Variants in CNTNAP2 observed in about 807,000 individuals in gnomAD.
The protein encoded by CNTNAP2 is contactin associated protein 2, also known as contactin-associated protein-like 2.
Under a neutral mutation model 155.2 loss-of-function variants are expected in CNTNAP2, and 98 were observed. The ratio of observed to expected loss-of-function variants is 0.63; its 90% CI spans 0.54 to 0.75. The LOEUF (loss-of-function observed/expected upper bound fraction) is 0.75. CNTNAP2 is among the 30% of genes least tolerant of loss of function. The pLI is 0.00. For missense variants in CNTNAP2, 1,727 were observed against 1,688.1 expected (o/e 1.02, Z -0.40); for synonymous variants, 651 against 631.2 (o/e 1.03, Z -0.47).
intron 8 of CNTNAP2, among the ~76,000 whole-genome samples, chr7:147,283,167 A>G (rs1435227154): frequency 1.3e-5 from 2 of 151,930 alleles, no homozygotes; most frequent in East Asian, 3.9e-4. Flanking sequence ...CCATCTAATG[A>G]GTTTTAAAGA....
At chr7:146,656,652 G>A (rs1395874081) in intron 1 of CNTNAP2, among the ~76,000 whole-genome samples, 3 of 152,274 alleles carry the variant, frequency 2.0e-5, no homozygotes, top group East Asian at 1.9e-4. Context: ...TGTTAAAGGC[G>A]TTAGGTAGGC....
chr7:146,627,426 T>C (rs1159997934), intron 1 of CNTNAP2, among the ~76,000 whole-genome samples: 1 of 152,134 alleles, frequency 6.6e-6, no homozygotes, highest in Non-Finnish European at 1.5e-5. Flanking sequence ...GAAAACAATT[T>C]TGTACTGTAT....
intron 18 of CNTNAP2, among the ~76,000 whole-genome samples, chr7:148,200,817 G>C (rs1466773453): frequency 6.6e-6 from 1 of 152,154 alleles, no homozygotes; most frequent in Non-Finnish European, 1.5e-5. Flanking sequence ...ACTGCAGGCA[G>C]GTTGTTTACC....
intron 3 of CNTNAP2, among the ~76,000 whole-genome samples, chr7:146,892,384 G>C (rs1476103363): frequency 6.6e-6 from 1 of 152,166 alleles, no homozygotes; most frequent in Non-Finnish European, 1.5e-5. Flanking sequence ...TCATTCCATT[G>C]GTTGAAGCAG....
chr7:147,569,843 C>T (rs1800250324), intron 12 of CNTNAP2, among the ~76,000 whole-genome samples: 1 of 152,220 alleles, frequency 6.6e-6, no homozygotes, highest in Admixed American at 6.5e-5. Context: ...TGCTCAGAGT[C>T]TTGCCAGGCT....
chr7:148,268,488 C>T (rs1219042671), intron 21 of CNTNAP2, among the ~76,000 whole-genome samples: 2 of 151,812 alleles, frequency 1.3e-5, no homozygotes, highest in Non-Finnish European at 2.9e-5. Flanking sequence ...CCCGTCTCTA[C>T]AAAAAAATTT....
chr7:146,462,031 A>C (rs1442387504), intron 1 of CNTNAP2, among the ~76,000 whole-genome samples: 6 of 152,154 alleles, frequency 3.9e-5, no homozygotes, highest in Non-Finnish European at 7.4e-5. Flanking sequence ...TTTTTCTTAG[A>C]GTTTTTCATT....
At chr7:147,322,166 G>T (rs1795363810) in intron 9 of CNTNAP2, among the ~76,000 whole-genome samples, 1 of 152,128 alleles carries the variant, frequency 6.6e-6, no homozygotes. Flanking sequence ...ACCCTTCAAG[G>T]CCACTCCCCT....
intron 14 of CNTNAP2, among the ~76,000 whole-genome samples, chr7:147,928,808 C>T (rs527422157): frequency 5.9e-5 from 9 of 151,992 alleles, no homozygotes; most frequent in East Asian, 5.8e-4. Context: ...ACCTTTAAAT[C>T]GGCCGGGTGC....
chr7:148,413,083 C>G (rs1264898287), intron 23 of CNTNAP2, among the ~76,000 whole-genome samples: 2 of 151,908 alleles, frequency 1.3e-5, no homozygotes, highest in Non-Finnish European at 2.9e-5. Flanking sequence ...GTTTGATTTG[C>G]TAAAATTCTA....
At chr7:147,637,448 G>A (rs976453112) in intron 12 of CNTNAP2, among the ~76,000 whole-genome samples, 2 of 152,128 alleles carry the variant, frequency 1.3e-5, no homozygotes, top group Non-Finnish European at 2.9e-5. Flanking sequence ...TGAAAGAATG[G>A]AGTTGCCATG....
At chr7:146,721,809 AG>A (rs1801332856) in intron 1 of CNTNAP2, among the ~76,000 whole-genome samples, 4 of 121,992 alleles carry the variant, frequency 3.3e-5, no homozygotes, top group Non-Finnish European at 4.8e-5. Context: ...GACTATATAT[AG>A]TCTATATATG....
At chr7:147,646,597 T>TC (rs397729242) in intron 13 of CNTNAP2, among the ~76,000 whole-genome samples, 7 of 152,180 alleles carry the variant, frequency 4.6e-5, no homozygotes, top group Non-Finnish European at 1.0e-4. Flanking sequence ...ATTTTTTTTT[T>TC]CCTCATGCAA....
intron 13 of CNTNAP2, among the ~76,000 whole-genome samples, chr7:147,881,099 C>A (rs1007506629): frequency 9.2e-5 from 14 of 152,122 alleles, no homozygotes; most frequent in African/African-American, 2.9e-4. Context: ...TGAGGCATTT[C>A]TCTCTGATAT....
At chr7:147,148,678 C>T (rs1584756699) in intron 8 of CNTNAP2, among the ~76,000 whole-genome samples, 1 of 152,184 alleles carries the variant, frequency 6.6e-6, no homozygotes, top group African/African-American at 2.4e-5. Flanking sequence ...TTCGTGGTCT[C>T]ACTGACTTCA....
At chr7:146,367,402 C>T (rs539533678) in intron 1 of CNTNAP2, among the ~76,000 whole-genome samples, 1 of 152,172 alleles carries the variant, frequency 6.6e-6, no homozygotes, top group South Asian at 2.1e-4. Context: ...CTTTGGTGTA[C>T]TTATATATCA....
At chr7:147,857,859 G>A (rs1799065802) in intron 13 of CNTNAP2, among the ~76,000 whole-genome samples, 1 of 152,152 alleles carries the variant, frequency 6.6e-6, no homozygotes, top group Non-Finnish European at 1.5e-5. Context: ...ATTTGCCTCG[G>A]CTGCAAGTAA....
At chr7:146,585,335 G>A (rs1273530385) in intron 1 of CNTNAP2, among the ~76,000 whole-genome samples, 1 of 151,770 alleles carries the variant, frequency 6.6e-6, no homozygotes, top group African/African-American at 2.4e-5. Flanking sequence ...TTGTCCAGGA[G>A]GGTTTCGATC....
At chr7:147,564,190 A>T (rs1187764303) in intron 12 of CNTNAP2, among the ~76,000 whole-genome samples, 2 of 152,140 alleles carry the variant, frequency 1.3e-5, no homozygotes, top group Non-Finnish European at 2.9e-5. Flanking sequence ...ATAGAAATAA[A>T]AAAATAAAAT....
Sources: gnomAD v4.1 joint callset for allele counts (sites outside exome capture counted in the v4.1 genomes callset) on GRCh38, gnomAD v4.1.1 for gene constraint, MANE v1.5 for transcripts, NCBI Gene and HGNC (gene_info 2026-07-23, HGNC 2026-07-21) for gene names.